Variants in ANK2 observed in about 807,000 individuals in gnomAD.
The protein encoded by ANK2 is ankyrin-2.
In ANK2, 83 loss-of-function variants were observed where a neutral mutation model predicts 360.5. The observed-to-expected ratio is 0.23, with a 90% CI of 0.19 to 0.28. The LOEUF is 0.28. Among genes scored for constraint, ANK2 ranks in the 10% least tolerant of loss-of-function variants. ANK2 has a pLI of 1.00. For missense variants in ANK2, 4,201 were observed against 4,795.7 expected, an observed-to-expected ratio of 0.88 and a Z score of 3.66; for synonymous variants, 1,740 against 1,759.5, an observed-to-expected ratio of 0.99 and a Z score of 0.28.
At position 113,332,054 on chromosome 4, in the gene ANK2, G is replaced by A; in HGVS notation, c.3208G>A (p.Gly1070Arg). The change falls in exon 28 of 46, where the codon GGA (glycine) becomes AGA (arginine). Residue 1070 changes from glycine to arginine, a missense_variant. Transcript: ENST00000357077. ...CCGCATTCTTCAGCTGGGGCCTCCT[G>A]GAACCAAATTCCTTGGGTAGGAGTG... ...VSRILQLGPP[G>R]TKFLGPVIVE... 6.2e-7 allele frequency: 1 copy of A among 1,614,034 alleles called. No homozygotes were observed. Among genetic ancestry groups the A allele is most frequent in the Non-Finnish European group, 8.5e-7 (1 of 1,179,936 alleles).
the ANK2 span, among the ~76,000 whole-genome samples, chr4:112,794,533 T>C: frequency 6.6e-6 from 1 of 152,246 alleles, no homozygotes; most frequent in South Asian, 2.1e-4. Context: ...CTAGTTTGTT[T>C]GTAGCAAAGT....
At chr4:112,920,291 A>C (rs1365721167) in intron 2 of ANK2, among the ~76,000 whole-genome samples, 1 of 152,234 alleles carries the variant, frequency 6.6e-6, no homozygotes, top group Non-Finnish European at 1.5e-5. Context: ...ATGTTTATAA[A>C]ACATACTGTG....
chr4:113,230,866 T>A (rs2099285873), intron 4 of ANK2, among the ~76,000 whole-genome samples: 1 of 152,212 alleles, frequency 6.6e-6, no homozygotes. Context: ...CTGTCTTGTT[T>A]ATCACTGTAG....
chr4:112,957,193 G>A (rs536754684), intron 2 of ANK2, among the ~76,000 whole-genome samples: 1 of 151,278 alleles, frequency 6.6e-6, no homozygotes, highest in Non-Finnish European at 1.5e-5. Flanking sequence ...CTGGGTACTT[G>A]AGATTAGGGA....
intron 1 of ANK2, among the ~76,000 whole-genome samples, chr4:113,097,288 T>C (rs2091507872): frequency 1.3e-5 from 2 of 151,808 alleles, no homozygotes; most frequent in Non-Finnish European, 2.9e-5. Context: ...TTCTGATAGA[T>C]CTCTGTGCTA....
At chr4:113,124,872 G>A (rs1386431238) in intron 1 of ANK2, among the ~76,000 whole-genome samples, 1 of 152,036 alleles carries the variant, frequency 6.6e-6, no homozygotes, top group East Asian at 1.9e-4. Flanking sequence ...GCTCATGTCT[G>A]TAATCCCAGC....
chr4:113,280,834 C>T (rs577085048), intron 17 of ANK2, among the ~76,000 whole-genome samples: 69 of 152,284 alleles, frequency 4.5e-4, no homozygotes, highest in African/African-American at 1.6e-3. Flanking sequence ...TATCCCTGTA[C>T]CTAACCTTAG....
chr4:113,141,589 A>G (rs1434050174), intron 1 of ANK2, among the ~76,000 whole-genome samples: 3 of 152,204 alleles, frequency 2.0e-5, no homozygotes, highest in African/African-American at 7.2e-5. Context: ...GTGGGATCAA[A>G]ACCTGGGATT....
chr4:113,117,494 A>G, intron 1 of ANK2: 1 of 439,464 alleles, frequency 2.3e-6, no homozygotes, highest in Non-Finnish European at 4.6e-6. Flanking sequence ...TGGCAACTTC[A>G]TCCTCCCTTC....
At chr4:113,381,184 G>T (rs1016294372) in intron 45 of ANK2, among the ~76,000 whole-genome samples, 3 of 151,962 alleles carry the variant, frequency 2.0e-5, no homozygotes, top group Admixed American at 6.6e-5. Flanking sequence ...TTAAAGCATG[G>T]TTTCATTTAT....
intron 24 of ANK2, among the ~76,000 whole-genome samples, chr4:113,312,756 T>C (rs1458727539): frequency 6.6e-6 from 1 of 152,128 alleles, no homozygotes; most frequent in Non-Finnish European, 1.5e-5. Context: ...GAATGCAGTG[T>C]TGCTGGAGTG....
intron 2 of ANK2, among the ~76,000 whole-genome samples, chr4:113,031,648 G>GTTTGTTCT (rs2060438121): frequency 6.6e-6 from 1 of 151,478 alleles, no homozygotes; most frequent in African/African-American, 2.4e-5. Context: ...TAGACCAGTG[G>GTTTGTTCT]TTTGTTCTTT....
intron 32 of ANK2, among the ~76,000 whole-genome samples, chr4:113,340,224 G>A (rs907744547): frequency 6.6e-6 from 1 of 152,214 alleles, no homozygotes; most frequent in Non-Finnish European, 1.5e-5. Context: ...AGAGAAGGGT[G>A]TTCGAATTGG....
intron 2 of ANK2, among the ~76,000 whole-genome samples, chr4:112,991,677 T>C (rs1415125041): frequency 2.0e-5 from 3 of 150,782 alleles, no homozygotes; most frequent in Admixed American, 2.0e-4. Context: ...CTTCAATTTC[T>C]GGTTCGTTTT....
At chr4:112,726,080 T>C in the ANK2 span, among the ~76,000 whole-genome samples, 1 of 152,080 alleles carries the variant, frequency 6.6e-6, no homozygotes, top group East Asian at 1.9e-4. Context: ...ATCTGAAGTC[T>C]GTGAAGGAGG....
rs1410772161 is a variant in ANK2 at position 113,249,973 on chromosome 4, A to G, written c.990+111A>G. 1.0e-5 allele frequency: 10 copies of G among 972,138 alleles called. No individual in the cohort carries two copies. In the Admixed American group the frequency reaches 1.9e-4, roughly 18 times the overall value. The allele number at this position is 972,138 out of a possible 1,614,324, so 60.2% of individuals were successfully genotyped here. ...CAGGCAAGCATTTTCTAGTTCTTTAATAATTGTGTGCTAGGAATAGGAATA... is the reference window on the plus strand; with the variant it reads ...CAGGCAAGCATTTTCTAGTTCTTTAGTAATTGTGTGCTAGGAATAGGAATA... On this transcript the variant is annotated intron_variant, in intron 10 of 45. Coordinates refer to ENST00000357077, the MANE Select transcript of ANK2 (RefSeq NM_001148.6).
chr4:112,889,836 A>C (rs1474923879), intron 1 of ANK2, among the ~76,000 whole-genome samples: 2 of 152,216 alleles, frequency 1.3e-5, no homozygotes, highest in Non-Finnish European at 2.9e-5. Flanking sequence ...GAGGAAACAC[A>C]ATTACCACAT....
intron 10 of ANK2, 80 bp downstream of exon 10, chr4:113,249,942 A>C: frequency 7.7e-7 from 1 of 1,300,830 alleles, no homozygotes; most frequent in Non-Finnish European, 1.1e-6. Flanking sequence ...TTTTAAATTG[A>C]AACATCAGGC....
chr4:112,720,569 A>T, the ANK2 span, among the ~76,000 whole-genome samples: 1 of 152,208 alleles, frequency 6.6e-6, no homozygotes, highest in African/African-American at 2.4e-5. Flanking sequence ...TAATGGAATC[A>T]GTTATAAATT....
Sources: gnomAD v4.1 joint callset for allele counts (sites outside exome capture counted in the v4.1 genomes callset) on GRCh38, gnomAD v4.1.1 for gene constraint, MANE v1.5 for transcripts, NCBI Gene and HGNC (gene_info 2026-07-23, HGNC 2026-07-21) for gene names.